Variants in ADAMTS17 observed in about 807,000 individuals in gnomAD.
ADAMTS17 encodes the protein ADAM metallopeptidase with thrombospondin type 1 motif 17.
A neutral mutation model predicts 141.5 loss-of-function variants in ADAMTS17; 113 were observed. The observed-to-expected ratio is 0.80, with a 90% CI of 0.69 to 0.93. ADAMTS17 has a LOEUF of 0.93. Among genes scored for constraint, ADAMTS17 ranks in the 40% least tolerant of loss-of-function variants. The pLI, the probability that ADAMTS17 is intolerant of heterozygous loss-of-function variation, is 0.00. For synonymous variants in ADAMTS17, 768 were observed against 630.6 expected (o/e 1.22, Z -3.27); for missense variants, 1,659 against 1,517.9 (o/e 1.09, Z -1.54).
At position 99,974,141 on chromosome 15, in the gene ADAMTS17, C is replaced by T. The variant is rs886050970; in HGVS notation, c.*261G>A. On this transcript the variant is annotated 3_prime_UTR_variant, in exon 22 of 22. Transcript: ENST00000268070. The stretch of plus-strand genomic sequence containing the variant: ...GTTGTCTGCCAGAGGTGCTTCCCTT[C>T]GAGGTACCTGAAATCCTAGAAATTG... 8 of 537,510 alleles carry T rather than the reference C, an allele frequency of 1.5e-5. No individual in the cohort carries two copies. Among genetic ancestry groups the T allele is most frequent in the Middle Eastern group, 5.1e-4 (1 of 1,964 alleles). The allele number at this position is 537,510 out of a possible 1,614,324, so 33.3% of individuals were successfully genotyped here.
intron 3 of ADAMTS17, among the ~76,000 whole-genome samples, chr15:100,303,727 T>C (rs1252742045): frequency 6.6e-6 from 1 of 152,098 alleles, no homozygotes; most frequent in Non-Finnish European, 1.5e-5. Flanking sequence ...TTTTATTTTA[T>C]TTATTTTTTG....
At chr15:100,260,416 C>A (rs1305148685) in intron 6 of ADAMTS17, among the ~76,000 whole-genome samples, 1 of 151,970 alleles carries the variant, frequency 6.6e-6, no homozygotes, top group Non-Finnish European at 1.5e-5. Context: ...GGGTTCCAGA[C>A]CAGCCTGGCC....
intron 15 of ADAMTS17, among the ~76,000 whole-genome samples, chr15:100,067,084 C>T (rs374481798): frequency 5.3e-5 from 8 of 151,778 alleles, no homozygotes; most frequent in Non-Finnish European, 7.4e-5. Flanking sequence ...TACACTTTTC[C>T]GCTGTCTTCC....
At chr15:100,051,518 T>C in intron 17 of ADAMTS17, 54 bp downstream of exon 17, 1 of 1,611,276 alleles carries the variant, frequency 6.2e-7, no homozygotes, top group Non-Finnish European at 8.5e-7. Context: ...GATGCCTTTC[T>C]CCTTCCTTCA....
intron 13 of ADAMTS17, among the ~76,000 whole-genome samples, chr15:100,113,612 G>A (rs1474498892): frequency 6.6e-6 from 1 of 152,228 alleles, no homozygotes; most frequent in African/African-American, 2.4e-5. Context: ...GCTTCCACAC[G>A]GACAAGTTCT....
At chr15:100,162,386 A>G (rs1380100240) in intron 8 of ADAMTS17, among the ~76,000 whole-genome samples, 3 of 147,508 alleles carry the variant, frequency 2.0e-5, no homozygotes, top group South Asian at 2.1e-4. Flanking sequence ...TGTTATATAT[A>G]TAACTATCTA....
intron 7 of ADAMTS17, among the ~76,000 whole-genome samples, chr15:100,242,962 C>T (rs1359731310): frequency 6.6e-6 from 1 of 152,178 alleles, no homozygotes; most frequent in Admixed American, 6.5e-5. Flanking sequence ...AAAACTCTGC[C>T]CATTAAACAC....
intron 7 of ADAMTS17, 55 bp downstream of exon 7, chr15:100,254,081 A>T (rs772589021): frequency 1.2e-5 from 18 of 1,553,486 alleles, no homozygotes; most frequent in Non-Finnish European, 1.6e-5. Flanking sequence ...GGAAGTCTCC[A>T]GATTCTCCCA....
At chr15:100,330,137 G>T (rs1324797350) in intron 3 of ADAMTS17, among the ~76,000 whole-genome samples, 1 of 152,062 alleles carries the variant, frequency 6.6e-6, no homozygotes, top group Non-Finnish European at 1.5e-5. Context: ...TCCACATTAG[G>T]GTTGTTCAAA....
chr15:100,269,294 A>T (rs886203681), intron 4 of ADAMTS17, among the ~76,000 whole-genome samples: 1 of 152,242 alleles, frequency 6.6e-6, no homozygotes, highest in Non-Finnish European at 1.5e-5. Flanking sequence ...ATTAAACTAA[A>T]GAGCTTCTGT....
intron 8 of ADAMTS17, among the ~76,000 whole-genome samples, chr15:100,158,914 G>A (rs2039562513): frequency 6.6e-6 from 1 of 152,076 alleles, no homozygotes; most frequent in Admixed American, 6.6e-5. Flanking sequence ...TCAAAACCCT[G>A]ATGAGATACC....
intron 14 of ADAMTS17, among the ~76,000 whole-genome samples, chr15:100,106,733 G>A (rs527239885): frequency 2.0e-5 from 3 of 152,366 alleles, no homozygotes; most frequent in South Asian, 2.1e-4. Context: ...GGAACGTTAA[G>A]TCGTTGGGCA....
At chr15:100,286,229 T>G (rs1043474933) in intron 3 of ADAMTS17, among the ~76,000 whole-genome samples, 6 of 152,074 alleles carry the variant, frequency 3.9e-5, no homozygotes, top group African/African-American at 1.4e-4. Flanking sequence ...CCGCAAAACG[T>G]GAATGTGCAT....
At chr15:100,059,616 G>A (rs530652901) in intron 15 of ADAMTS17, among the ~76,000 whole-genome samples, 49 of 152,320 alleles carry the variant, frequency 3.2e-4, no homozygotes, top group Admixed American at 7.8e-4. Flanking sequence ...CCTTTGGGAC[G>A]TCAAGATCAT....
At chr15:100,238,034 G>T (rs2141881242) in intron 7 of ADAMTS17, among the ~76,000 whole-genome samples, 1 of 152,316 alleles carries the variant, frequency 6.6e-6, no homozygotes, top group East Asian at 1.9e-4. Context: ...GACGGAGTGG[G>T]CCCAAGGGTA....
At chr15:100,021,842 C>T (rs2061412294) in intron 18 of ADAMTS17, among the ~76,000 whole-genome samples, 1 of 152,094 alleles carries the variant, frequency 6.6e-6, no homozygotes, top group Non-Finnish European at 1.5e-5. Flanking sequence ...CTCAGACATG[C>T]TGGCACCGGT....
intron 8 of ADAMTS17, among the ~76,000 whole-genome samples, chr15:100,183,137 C>T (rs181169282): frequency 6.6e-6 from 1 of 152,088 alleles, no homozygotes; most frequent in Non-Finnish European, 1.5e-5. Flanking sequence ...TACAGGCATG[C>T]ACCACAAAAC....
At chr15:100,096,993 G>C (rs977021710) in intron 14 of ADAMTS17, among the ~76,000 whole-genome samples, 1 of 152,216 alleles carries the variant, frequency 6.6e-6, no homozygotes, top group Non-Finnish European at 1.5e-5. Flanking sequence ...GCAGGGCTTG[G>C]CACGGGCCCC....
chr15:100,272,090 A>G (rs968852526), intron 4 of ADAMTS17, among the ~76,000 whole-genome samples: 4 of 152,186 alleles, frequency 2.6e-5, no homozygotes, highest in Admixed American at 6.5e-5. Context: ...TTATGTCAGT[A>G]AAGTGTTTTG....
Sources: gnomAD v4.1 joint callset for allele counts (sites outside exome capture counted in the v4.1 genomes callset) on GRCh38, gnomAD v4.1.1 for gene constraint, MANE v1.5 for transcripts, NCBI Gene and HGNC (gene_info 2026-07-23, HGNC 2026-07-21) for gene names.